The following SRPK1 variants were observed in gnomAD, a reference collection of about 807,000 sequenced individuals.
The protein encoded by SRPK1 is SFRS protein kinase 1.
Under a neutral mutation model 89.5 loss-of-function variants are expected in SRPK1, and 52 were observed. The observed-to-expected ratio is 0.58, with a 90% confidence interval of 0.46 to 0.73. The LOEUF is 0.73. Among genes scored for constraint, SRPK1 ranks in the 30% least tolerant of loss-of-function variants. The pLI, the probability that SRPK1 is intolerant of heterozygous loss-of-function variation, is 0.00. For missense variants in SRPK1, 603 were observed against 780.6 expected (o/e 0.77, Z 2.71); for synonymous variants, 255 against 270.2 (o/e 0.94, Z 0.55).
chr6:35,894,392 C>T (rs1474427424), intron 2 of SRPK1, among the ~76,000 whole-genome samples: 1 of 152,076 alleles, frequency 6.6e-6, no homozygotes, highest in Non-Finnish European at 1.5e-5. Flanking sequence ...TCATAATCGC[C>T]CATTATCCCG....
At chr6:35,914,077 GCAATTCT>G (rs1288823228) in intron 2 of SRPK1, among the ~76,000 whole-genome samples, 2 of 142,844 alleles carry the variant, frequency 1.4e-5, no homozygotes, top group Non-Finnish European at 3.0e-5. Flanking sequence ...CCAGGTTCAA[GCAATTCT>G]CCTGCCTCAG....
intron 5 of SRPK1, chr6:35,887,771 T>C: frequency 3.1e-6 from 1 of 320,796 alleles, no homozygotes; most frequent in Non-Finnish European, 5.6e-6. Flanking sequence ...TCAGTGAATA[T>C]TTTTATTCAT....
rs1414204948 is a variant in SRPK1 at position 35,869,683 on chromosome 6, C to G, written c.1210G>C (p.Asp404His). 2 of 1,613,902 alleles carry G rather than the reference C, an allele frequency of 1.2e-6. No individual in the cohort carries two copies. Among genetic ancestry groups the G allele is most frequent in the Non-Finnish European group, 1.7e-6 (2 of 1,179,816 alleles). The change falls in exon 11 of 16, where the codon GAC (aspartate) becomes CAC (histidine). Residue 404 changes from aspartate to histidine, a missense_variant. Coordinates refer to ENST00000373825, the MANE Select transcript of SRPK1 (RefSeq NM_003137.5). ...ESSFLSSQNGDSSTSQETDSC... is the reference protein window; with the variant it reads ...ESSFLSSQNGHSSTSQETDSC... The stretch of plus-strand genomic sequence containing the variant: ...TCTGTTTCTTGAGATGTGCTGCTGT[C>G]TCCATTTTGGGAGCTTAGGAAACTA...
At chr6:35,835,969 CA>C (rs1180909998) in intron 15 of SRPK1, among the ~76,000 whole-genome samples, 11 of 151,662 alleles carry the variant, frequency 7.3e-5, no homozygotes, top group South Asian at 4.2e-4. Flanking sequence ...ATAAAAGCAA[CA>C]AAAAAAACCC....
At chr6:35,883,984 C>T (rs971786796) in intron 6 of SRPK1, among the ~76,000 whole-genome samples, 3 of 151,986 alleles carry the variant, frequency 2.0e-5, no homozygotes, top group Non-Finnish European at 2.9e-5. Flanking sequence ...CCGCCCACCT[C>T]GGCCTCCCAA....
chr6:35,897,404 A>C (rs2127261372), intron 2 of SRPK1, among the ~76,000 whole-genome samples: 1 of 152,398 alleles, frequency 6.6e-6, no homozygotes, highest in African/African-American at 2.4e-5. Flanking sequence ...CTATCCAACT[A>C]TTAATAAAAT....
At chr6:35,851,840 A>G (rs1769562895) in intron 13 of SRPK1, among the ~76,000 whole-genome samples, 1 of 152,202 alleles carries the variant, frequency 6.6e-6, no homozygotes, top group African/African-American at 2.4e-5. Context: ...ATTAAGAGGA[A>G]GGGCCTATCT....
rs188788207 is a variant in SRPK1, at chr6:35,899,058, G to A, written c.75-8045C>T. ...TGCCTGTAGTACCAGCTACTCAGGA[G>A]GTTGAGGCAGGAGAATCGCTTGAAC... On this transcript the variant is annotated intron_variant, in intron 2 of 15. Transcript: ENST00000373825. Among the ~76,000 whole-genome samples, 7 of 152,302 alleles carry A rather than the reference G, an allele frequency of 4.6e-5. No homozygotes were observed. In the East Asian group the frequency reaches 1.2e-3, roughly 25 times the overall value.
chr6:35,920,542 G>A lies in SRPK1; in HGVS notation c.14-14C>T. On this transcript the variant is annotated splice_polypyrimidine_tract_variant and intron_variant, in intron 1 of 15. Coordinates refer to ENST00000373825, the MANE Select transcript of SRPK1 (RefSeq NM_003137.5). ...GGAGCGCAAGCACTGCAGGAGAGAG[G>A]GATGGATGAAGGGCGAATGTGGAGG... 1 of 1,612,498 alleles carries A rather than the reference G, an allele frequency of 6.2e-7. No individual in the cohort carries two copies. Among genetic ancestry groups the A allele is most frequent in the Non-Finnish European group, 8.5e-7 (1 of 1,179,032 alleles).
chr6:35,920,660 G>T, intron 1 of SRPK1, 132 bp from the exon 2 acceptor site: 1 of 559,098 alleles, frequency 1.8e-6, no homozygotes, highest in Non-Finnish European at 2.5e-6. Context: ...GCTCCGGCGA[G>T]GCGGCCGGCC....
At chr6:35,907,495 CAGG>C (rs1177412232) in intron 2 of SRPK1, among the ~76,000 whole-genome samples, 2 of 152,082 alleles carry the variant, frequency 1.3e-5, no homozygotes, top group Non-Finnish European at 2.9e-5. Flanking sequence ...CACCTGAGAT[CAGG>C]AGTTCAAGAC....
chr6:35,835,156 AC>A lies in SRPK1; in HGVS notation c.*147del. On this transcript the variant is annotated 3_prime_UTR_variant, in exon 16 of 16. Coordinates refer to ENST00000373825, the MANE Select transcript of SRPK1 (RefSeq NM_003137.5). ...GATCTCCACAGGGTCAAGTAAGCAA[AC>A]CCAAATGAACATGTTGGATTAAAAA... 1.3e-6 allele frequency: 1 copy of A among 778,806 alleles called. No homozygotes were observed. Among genetic ancestry groups the A allele is most frequent in the Non-Finnish European group, 1.9e-6 (1 of 513,092 alleles). 48.2% of individuals were successfully genotyped at this position (778,806 alleles called of 1,614,324 possible). A position where few individuals can be genotyped will look rare whatever the true frequency, so the allele number is the denominator to read the frequency against.
intron 2 of SRPK1, among the ~76,000 whole-genome samples, chr6:35,897,123 A>G (rs1168308593): frequency 6.6e-6 from 1 of 152,242 alleles, no homozygotes; most frequent in African/African-American, 2.4e-5. Flanking sequence ...AAAATGCTCT[A>G]AACTTAGATC....
At chr6:35,880,735 G>GAAAAAAAAAAAAA (rs1238876364) in intron 6 of SRPK1, among the ~76,000 whole-genome samples, 113 of 26,904 alleles carry the variant, frequency 4.2e-3, no homozygotes, top group Non-Finnish European at 5.3e-3. Flanking sequence ...AAAAAAAAAA[G>GAAAAAAAAAAAAA]AAAAAAAAAA....
chr6:35,915,997 T>TACACACACAC (rs57574093), intron 2 of SRPK1, among the ~76,000 whole-genome samples: 7 of 90,226 alleles, frequency 7.8e-5, no homozygotes, highest in Admixed American at 1.3e-4. Context: ...AAAAAATATA[T>TACACACACAC]ACACACACAC....
At chr6:35,867,139 T>C (rs1769922630) in intron 12 of SRPK1, among the ~76,000 whole-genome samples, 1 of 152,148 alleles carries the variant, frequency 6.6e-6, no homozygotes. Context: ...ACTGCACTTA[T>C]ACCTCATGAA....
intron 1 of SRPK1, 78 bp from the exon 2 acceptor site, chr6:35,920,606 G>C (rs1036514051): frequency 1.5e-6 from 2 of 1,376,222 alleles, no homozygotes; most frequent in Admixed American, 3.9e-5. Context: ...ACCCAGCAGG[G>C]GCGCCAGGCC....
chr6:35,847,050 T>C (rs1769441203), intron 13 of SRPK1, among the ~76,000 whole-genome samples: 1 of 152,240 alleles, frequency 6.6e-6, no homozygotes, highest in Non-Finnish European at 1.5e-5. Flanking sequence ...AACATTGTAC[T>C]CAATGGTGAA....
intron 6 of SRPK1, among the ~76,000 whole-genome samples, chr6:35,880,751 G>GAAAGAAAGAAAA (rs1561983739): frequency 2.5e-5 from 1 of 40,036 alleles, no homozygotes. Context: ...AAAAAAAAAA[G>GAAAGAAAGAAAA]AAAAGAAAAG....
Sources: allele counts gnomAD v4.1 joint callset (sites outside exome capture counted in the v4.1 genomes callset), GRCh38; gene constraint gnomAD v4.1.1; transcripts MANE v1.5; gene names NCBI Gene and HGNC (gene_info 2026-07-23, HGNC 2026-07-21).